The following LMF1 variants were observed in gnomAD, a reference collection of about 807,000 sequenced individuals.
The protein encoded by LMF1 is transmembrane protein 112.
LMF1 carries 68 observed loss-of-function variants against 60.6 expected under a neutral mutation model. The observed-to-expected ratio is 1.12, with a 90% confidence interval of 0.92 to 1.37. The LOEUF is 1.37. Among genes scored for constraint, LMF1 ranks in the 40% most tolerant of loss-of-function variants. The pLI, the probability that LMF1 is intolerant of heterozygous loss-of-function variation, is 0.00. For synonymous variants in LMF1, 418 were observed against 324.7 expected (o/e 1.29, Z -3.09); for missense variants, 948 against 767.2 (o/e 1.24, Z -2.78).
chr16:940,036 G>A (rs1018466585), intron 2 of LMF1, among the ~76,000 whole-genome samples: 1 of 152,180 alleles, frequency 6.6e-6, no homozygotes, highest in Non-Finnish European at 1.5e-5. Flanking sequence ...CAGGAACCCT[G>A]AGACAGACCA....
At chr16:976,852 G>C (rs749960507) in intron 1 of LMF1, 4 of 454,024 alleles carry the variant, frequency 8.8e-6, no homozygotes, top group Non-Finnish European at 1.8e-5. Context: ...TTCCACATGC[G>C]AACAGCCTGG....
chr16:940,406 C>A (rs1046838433), intron 2 of LMF1, among the ~76,000 whole-genome samples: 11 of 152,090 alleles, frequency 7.2e-5, no homozygotes, highest in African/African-American at 2.7e-4. Context: ...CACCGGGGAC[C>A]AGCATATCAT....
At chr16:938,783 G>A (rs909012598) in intron 2 of LMF1, among the ~76,000 whole-genome samples, 3 of 152,174 alleles carry the variant, frequency 2.0e-5, no homozygotes, top group Non-Finnish European at 2.9e-5. Flanking sequence ...TGTGAAAACC[G>A]ACCTCAGAGT....
intron 10 of LMF1, among the ~76,000 whole-genome samples, chr16:866,592 C>T (rs887639883): frequency 5.3e-5 from 8 of 152,214 alleles, no homozygotes; most frequent in African/African-American, 1.9e-4. Context: ...TCTCAGCTTC[C>T]TATTTGGCCT....
At chr16:856,813 A>T (rs2069197313) in intron 10 of LMF1, among the ~76,000 whole-genome samples, 1 of 152,208 alleles carries the variant, frequency 6.6e-6, no homozygotes, top group Non-Finnish European at 1.5e-5. Flanking sequence ...TGTTGAAAAT[A>T]GGGGATCTCC....
chr16:921,573 G>C (rs923105285), intron 3 of LMF1, among the ~76,000 whole-genome samples: 4 of 152,216 alleles, frequency 2.6e-5, no homozygotes, highest in African/African-American at 9.7e-5. Context: ...TGACGAGTGG[G>C]GATGACGGGA....
intron 1 of LMF1, chr16:980,035 G>T: frequency 3.0e-6 from 1 of 328,106 alleles, no homozygotes. Context: ...GGGGAAGAGA[G>T]GGCAGGCCAG....
At chr16:870,167 G>A (rs2069740298) in intron 8 of LMF1, 101 bp from the exon 9 acceptor site, 2 of 1,342,062 alleles carry the variant, frequency 1.5e-6, no homozygotes, top group Admixed American at 4.2e-5. Flanking sequence ...TCCTGGCCCA[G>A]GGGGAGGGCT....
rs1315115575 is a variant in LMF1 at position 897,436 on chromosome 16, A to T, written c.664-4364T>A. Among the ~76,000 whole-genome samples the T allele has an allele frequency of 6.6e-6, 1 of 151,852 alleles. No individual in the cohort carries two copies. Among genetic ancestry groups the T allele is most frequent in the Non-Finnish European group, 1.5e-5 (1 of 67,976 alleles). On this transcript the variant is annotated intron_variant, in intron 4 of 10. Coordinates refer to ENST00000262301, the MANE Select transcript of LMF1 (RefSeq NM_022773.4). This position sits in a 1 kb window ranked among gnomAD's most constrained non-coding sequence, Gnocchi z 4.3. The stretch of plus-strand genomic sequence containing the variant: ...CCGCCAGGCCTCCCTCCGAGCCACA[A>T]CCTCCTCCATCCTTCTGGCGTTAGG...
chr16:893,357 A>G (rs1293293739), intron 4 of LMF1: 3 of 559,044 alleles, frequency 5.4e-6, no homozygotes, highest in East Asian at 4.1e-5. Flanking sequence ...AGCTCCACGC[A>G]TCATCACGCT....
intron 2 of LMF1, among the ~76,000 whole-genome samples, chr16:939,079 C>G (rs2151792987): frequency 6.6e-6 from 1 of 152,288 alleles, no homozygotes; most frequent in South Asian, 2.1e-4. Flanking sequence ...ACATTCACAC[C>G]AAAGGGGAAC....
At position 879,577 on chromosome 16, in the gene LMF1, A is replaced by G. The variant is rs771388880; in HGVS notation, c.890T>C (p.Leu297Pro). 6 of 1,612,888 alleles carry G rather than the reference A, an allele frequency of 3.7e-6. No individual in the cohort carries two copies. The Admixed American group carries it at 5.0e-5, about 13-fold the overall frequency. ...CGGGCGGCGCGGGCTCACCTGGAAC[A>G]GGATCTGCAGCACCCCGTGGATGAT... ...ACIIHGVLQI[L>P]FQAVLIVSGN... is the part of the protein sequence containing the mutation. Residue 297 changes from leucine to proline, a missense_variant, in exon 6 of 11, where the codon CTG (leucine) becomes CCG (proline). By Grantham distance (98) the Leu-to-Pro change is moderately conservative (BLOSUM62 -3). Coordinates refer to ENST00000262301, the MANE Select transcript of LMF1 (RefSeq NM_022773.4).
Position 870,739 on chromosome 16 carries a change from C to A in LMF1, c.1222G>T (p.Ala408Ser), listed in dbSNP as rs558259540. 19 of 1,612,860 alleles carry A rather than the reference C, an allele frequency of 1.2e-5. No homozygotes were observed. In the South Asian group the frequency reaches 1.9e-4, roughly 16 times the overall value. The change falls in exon 8 of 11, where the codon GCC becomes TCC. Residue 408 changes from alanine (A) to serine (S), a missense_variant. By Grantham distance (99) the Ala-to-Ser change is moderately conservative. Transcript: ENST00000262301. ...NSLHIVNTYG[A>S]FGSITKERAE... is the part of the protein sequence containing the mutation. ...ACCCCAGGCTCATACCTTCCGAAGGCCCCGTAAGTGTTGACGATGTGAAGA... is the reference window on the plus strand; with the variant it reads ...ACCCCAGGCTCATACCTTCCGAAGGACCCGTAAGTGTTGACGATGTGAAGA...
chr16:889,291 A>T (rs1223169091), intron 5 of LMF1, among the ~76,000 whole-genome samples: 2 of 152,038 alleles, frequency 1.3e-5, no homozygotes, highest in African/African-American at 4.8e-5. Context: ...AACCGACTGA[A>T]TTTGCCGGCA....
intron 5 of LMF1, among the ~76,000 whole-genome samples, chr16:892,328 C>T (rs561979025): frequency 1.6e-4 from 25 of 152,322 alleles, no homozygotes; most frequent in African/African-American, 5.3e-4. Context: ...CATGACCACA[C>T]GGGCCCAGGG....
intron 3 of LMF1, among the ~76,000 whole-genome samples, chr16:920,450 AATCT>A: frequency 6.6e-6 from 1 of 151,956 alleles, no homozygotes; most frequent in East Asian, 1.9e-4. Context: ...CAAGAACTAA[AATCT>A]CCAGAGCACA....
At chr16:863,417 C>T (rs1472618870) in intron 10 of LMF1, among the ~76,000 whole-genome samples, 2 of 151,802 alleles carry the variant, frequency 1.3e-5, no homozygotes, top group Admixed American at 6.5e-5. Flanking sequence ...GCGGTGATTT[C>T]AGGCATGAGC....
chr16:908,325 C>T lies in LMF1; in HGVS notation c.663+2606G>A, dbSNP rs547736564. On this transcript the variant is annotated intron_variant, in intron 4 of 10. Coordinates refer to ENST00000262301, the MANE Select transcript of LMF1 (RefSeq NM_022773.4). ...CCGGAGACAGCATCCCACTTTCCTG[C>T]GCGATCTGGATGCCGGGTTGCAGCT... Among the ~76,000 whole-genome samples, 241 of 152,308 alleles carry T rather than the reference C, an allele frequency of 1.6e-3. 1 individual carries two copies. Among genetic ancestry groups the T allele is most frequent in the African/African-American group, 5.6e-3 (232 of 41,558 alleles).
At chr16:940,337 G>C (rs1405693213) in intron 2 of LMF1, among the ~76,000 whole-genome samples, 2 of 152,110 alleles carry the variant, frequency 1.3e-5, no homozygotes, top group Non-Finnish European at 2.9e-5. Flanking sequence ...ACAGGGCCAT[G>C]GGAACTGGTT....
Sources: gnomAD v4.1 joint callset for allele counts (sites outside exome capture counted in the v4.1 genomes callset) on GRCh38, gnomAD v4.1.1 for gene constraint, Gnocchi (gnomAD v3.1) non-coding constraint, MANE v1.5 for transcripts, NCBI Gene and HGNC (gene_info 2026-07-23, HGNC 2026-07-21) for gene names.